CACHD1: variants seen among roughly 807,000 people sequenced by gnomAD.
The protein encoded by CACHD1 is cache domain containing 1, also known as VWFA and cache domain-containing protein 1.
Under a neutral mutation model 138.7 loss-of-function variants are expected in CACHD1, and 71 were observed. The ratio of observed to expected loss-of-function variants is 0.51; its 90% confidence interval spans 0.42 to 0.62. CACHD1 has a LOEUF of 0.62. CACHD1 is among the 20% of genes least tolerant of loss of function. The pLI, the probability that CACHD1 is intolerant of heterozygous loss-of-function variation, is 0.00. For missense variants in CACHD1, 1,389 were observed against 1,625.3 expected, an observed-to-expected ratio of 0.85 and a Z score of 2.50; for synonymous variants, 578 against 591.5, an observed-to-expected ratio of 0.98 and a Z score of 0.33.
chr1:64,538,344 C>T (rs891110226), intron 1 of CACHD1, among the ~76,000 whole-genome samples: 4 of 152,148 alleles, frequency 2.6e-5, no homozygotes, highest in Admixed American at 6.6e-5. Context: ...CCCCCTGCAG[C>T]AGTTTCAGAG....
intron 4 of CACHD1, among the ~76,000 whole-genome samples, chr1:64,621,128 A>G (rs994794151): frequency 2.0e-5 from 3 of 152,152 alleles, no homozygotes; most frequent in South Asian, 2.1e-4. Flanking sequence ...AAATACTTGA[A>G]ATGCTTGTAA....
chr1:64,623,526 C>T (rs891569792), intron 4 of CACHD1, among the ~76,000 whole-genome samples: 6 of 152,072 alleles, frequency 3.9e-5, no homozygotes, highest in Non-Finnish European at 8.8e-5. Context: ...AGAATGTGTG[C>T]CTCAATGTGA....
chr1:64,477,624 A>ATTT, intron 1 of CACHD1, among the ~76,000 whole-genome samples: 1 of 104,184 alleles, frequency 9.6e-6, no homozygotes, highest in East Asian at 2.7e-4. Flanking sequence ...TATTATTATT[A>ATTT]TTTTATTTTA....
At chr1:64,680,767 C>G (rs1421846694) in intron 24 of CACHD1, among the ~76,000 whole-genome samples, 2 of 152,128 alleles carry the variant, frequency 1.3e-5, no homozygotes, top group East Asian at 3.9e-4. Flanking sequence ...TTCACTATGG[C>G]CACAAGCCTG....
At chr1:64,486,363 C>CACAT (rs1646242469) in intron 1 of CACHD1, among the ~76,000 whole-genome samples, 1 of 90,992 alleles carries the variant, frequency 1.1e-5, no homozygotes, top group Non-Finnish European at 2.2e-5. Flanking sequence ...CACACACACA[C>CACAT]ACACATACAC....
intron 3 of CACHD1, among the ~76,000 whole-genome samples, chr1:64,602,046 A>C (rs949520653): frequency 1.3e-5 from 2 of 152,184 alleles, no homozygotes; most frequent in African/African-American, 4.8e-5. Flanking sequence ...TTGCTATAGC[A>C]ATGGATCATT....
At chr1:64,514,271 C>G (rs550598166) in intron 1 of CACHD1, among the ~76,000 whole-genome samples, 1 of 152,098 alleles carries the variant, frequency 6.6e-6, no homozygotes, top group Non-Finnish European at 1.5e-5. Flanking sequence ...CTTTTTGTGG[C>G]CTTGGAAATT....
intron 2 of CACHD1, among the ~76,000 whole-genome samples, chr1:64,569,870 T>C (rs866132344): frequency 6.6e-6 from 1 of 152,164 alleles, no homozygotes; most frequent in South Asian, 2.1e-4. Context: ...GCCTGTATCA[T>C]GAGAAATGAA....
At chr1:64,621,553 A>G (rs1343014565) in intron 4 of CACHD1, among the ~76,000 whole-genome samples, 1 of 152,226 alleles carries the variant, frequency 6.6e-6, no homozygotes. Flanking sequence ...TTTGCTATGA[A>G]GGAAAATACC....
rs1485662587 is a variant in CACHD1, at chr1:64,470,483, G to A, written c.-262G>A. Among the ~76,000 whole-genome samples the A allele has an allele frequency of 6.6e-6, 1 of 151,312 alleles. No homozygotes were observed. ...ACGCCCTCTGCGCCGCGGGGCCCGT[G>A]TGGGCGCCGGGCTCCGGGGACCGCT... On this transcript the variant is annotated 5_prime_UTR_variant, in exon 1 of 27. It adds an upstream start codon to the 5' untranslated region. Transcript: ENST00000651257. This position sits in a 1 kb window ranked among gnomAD's most constrained non-coding sequence, Gnocchi z 5.2.
At chr1:64,676,860 G>A in intron 21 of CACHD1, 35 bp from the exon 22 acceptor site, 1 of 1,546,468 alleles carries the variant, frequency 6.5e-7, no homozygotes, top group Non-Finnish European at 8.9e-7. Context: ...TGTGGGCGGT[G>A]GTCGTCTTAA....
At chr1:64,658,602 G>A (rs373291310) in intron 12 of CACHD1, 103 bp from the exon 13 acceptor site, 42 of 737,388 alleles carry the variant, frequency 5.7e-5, no homozygotes, top group South Asian at 4.8e-4. Context: ...TACCTTCCAC[G>A]TGAAGATAGA....
intron 2 of CACHD1, among the ~76,000 whole-genome samples, chr1:64,576,167 AAAGGATAAAG>A (rs1424510180): frequency 2.6e-5 from 4 of 152,294 alleles, no homozygotes; most frequent in Middle Eastern, 3.4e-3. Context: ...GATGAAGGGG[AAAGGATAAAG>A]AAGGATAAAA....
chr1:64,490,206 C>T (rs1646267126), intron 1 of CACHD1, among the ~76,000 whole-genome samples: 1 of 152,174 alleles, frequency 6.6e-6, no homozygotes, highest in South Asian at 2.1e-4. Context: ...TTTCAAATTC[C>T]CAAAGGGCAG....
Position 64,646,607 on chromosome 1 carries a change from C to G in CACHD1, c.1157-1194C>G, listed in dbSNP as rs140868872. 8.2e-3 allele frequency among the ~76,000 whole-genome samples: 1,242 copies of G among 152,130 alleles called. 18 individuals carry two copies. The highest frequency in any genetic ancestry group is 0.029 in the African/African-American group (1,185 of 41,490). ...AATAGCCAGGCATGGTGGTGTATGC[C>G]TGTAATCCCAGCTACCCGGGAGACT... is the stretch of plus-strand genomic sequence containing the variant. On this transcript the variant is annotated intron_variant, in intron 8 of 26. Coordinates refer to ENST00000651257, the MANE Select transcript of CACHD1 (RefSeq NM_020925.4).
At chr1:64,617,862 T>C (rs1557521697) in intron 4 of CACHD1, among the ~76,000 whole-genome samples, 1 of 152,172 alleles carries the variant, frequency 6.6e-6, no homozygotes, top group Non-Finnish European at 1.5e-5. Context: ...GTGGATCTCC[T>C]GAGATCAGAA....
intron 4 of CACHD1, among the ~76,000 whole-genome samples, chr1:64,604,380 G>A (rs148413534): frequency 6.6e-6 from 1 of 152,306 alleles, no homozygotes; most frequent in East Asian, 1.9e-4. Flanking sequence ...AATAACAAAA[G>A]AGGGTAGACA....
At chr1:64,580,719 T>C (rs933383824) in intron 2 of CACHD1, among the ~76,000 whole-genome samples, 1 of 152,186 alleles carries the variant, frequency 6.6e-6, no homozygotes, top group African/African-American at 2.4e-5. Flanking sequence ...TAATTCTTGG[T>C]TTTGGGGTGC....
chr1:64,470,153 G>C lies in CACHD1; in HGVS notation c.-592G>C, dbSNP rs1646132522. On this transcript the variant is annotated 5_prime_UTR_variant, in exon 1 of 27. Transcript: ENST00000651257. This position sits in a 1 kb window ranked among gnomAD's most constrained non-coding sequence, Gnocchi z 5.2. ...CAGCCGGGAAGTGCACAGAGCCGGAGCGCAGCGTGGTGGCACCAGACGCCT... is the reference window on the plus strand; with the variant it reads ...CAGCCGGGAAGTGCACAGAGCCGGACCGCAGCGTGGTGGCACCAGACGCCT... Among the ~76,000 whole-genome samples the C allele has an allele frequency of 6.6e-6, 1 of 152,092 alleles. No homozygotes were observed.
Sources: gnomAD v4.1 joint callset for allele counts (sites outside exome capture counted in the v4.1 genomes callset) on GRCh38, gnomAD v4.1.1 for gene constraint, Gnocchi (gnomAD v3.1) non-coding constraint, MANE v1.5 for transcripts, NCBI Gene and HGNC (gene_info 2026-07-23, HGNC 2026-07-21) for gene names.